PARD3B: variants seen among roughly 807,000 people sequenced by gnomAD.
PARD3B encodes the protein par-3 family cell polarity regulator beta.
Under a neutral mutation model 130.2 loss-of-function variants are expected in PARD3B, and 103 were observed. That is an observed-to-expected ratio of 0.79 (90% CI 0.67 to 0.93). The LOEUF is 0.93. PARD3B is among the 40% of genes least tolerant of loss of function. The probability of loss-of-function intolerance (pLI) is 0.00; values close to 1 mark genes in which losing one functional copy is unlikely to be tolerated. For missense variants in PARD3B, 1,609 were observed against 1,499.2 expected (o/e 1.07, Z -1.21); for synonymous variants, 583 against 553.2 (o/e 1.05, Z -0.76).
chr2:205,044,790 G>A (rs1438977408), intron 3 of PARD3B, among the ~76,000 whole-genome samples: 1 of 152,112 alleles, frequency 6.6e-6, no homozygotes, highest in African/African-American at 2.4e-5. Flanking sequence ...TTGCTGTGCA[G>A]AAGCTCTTTA....
At chr2:204,990,519 C>T (rs1575494489) in intron 3 of PARD3B, among the ~76,000 whole-genome samples, 2 of 152,046 alleles carry the variant, frequency 1.3e-5, no homozygotes, top group African/African-American at 4.8e-5. Flanking sequence ...ATTAACAAAC[C>T]TTTCTTTCTC....
Position 205,146,851 on chromosome 2 carries a change from CT to C in PARD3B, c.1435-11870del, listed in dbSNP as rs982087645. ...GGAGCGATTCTCCTGCCTCAGCTTC[CT>C]GAGTAGCTGGGATTATAGGACCCGG... On this transcript the variant is annotated intron_variant, in intron 10 of 22. Coordinates refer to ENST00000406610, the MANE Select transcript of PARD3B (RefSeq NM_001302769.2). The surrounding 1 kb of genome is among the most constrained non-coding windows in gnomAD (Gnocchi z 4.3). 8.6e-5 allele frequency among the ~76,000 whole-genome samples: 13 copies of C among 151,856 alleles called. No homozygotes were observed. The highest frequency in any genetic ancestry group is 3.1e-4 in the African/African-American group (13 of 41,366).
intron 2 of PARD3B, among the ~76,000 whole-genome samples, chr2:204,910,319 A>G (rs2047186288): frequency 6.6e-6 from 1 of 152,208 alleles, no homozygotes; most frequent in Admixed American, 6.5e-5. Flanking sequence ...TAGACCTTAT[A>G]TATTTGTTTT....
At chr2:204,832,338 T>C (rs2043858423) in intron 2 of PARD3B, among the ~76,000 whole-genome samples, 1 of 152,212 alleles carries the variant, frequency 6.6e-6, no homozygotes. Flanking sequence ...TGCTTTTCTG[T>C]TTAAAATCAG....
intron 1 of PARD3B, among the ~76,000 whole-genome samples, chr2:204,649,238 T>C (rs2035396488): frequency 6.6e-6 from 1 of 151,130 alleles, no homozygotes; most frequent in Non-Finnish European, 1.5e-5. Flanking sequence ...TTATTTAAAG[T>C]GTGTGCTTGT....
Position 204,748,342 on chromosome 2 carries a change from C to A in PARD3B, c.222+62060C>A, listed in dbSNP as rs531371984. Among the ~76,000 whole-genome samples, 4 of 152,176 alleles carry A rather than the reference C, an allele frequency of 2.6e-5. No individual in the cohort carries two copies. In the East Asian group the frequency reaches 7.8e-4, roughly 30 times the overall value. ...ACTGTAATTTCTTCAACTAAGAGTTCAACTCCTTCCTGAGCCTGGATTAGG... is the reference window on the plus strand; with the variant it reads ...ACTGTAATTTCTTCAACTAAGAGTTAAACTCCTTCCTGAGCCTGGATTAGG... On this transcript the variant is annotated intron_variant, in intron 2 of 22. Coordinates refer to ENST00000406610, the MANE Select transcript of PARD3B (RefSeq NM_001302769.2).
chr2:205,618,321 G>T lies in PARD3B; in HGVS notation c.*2508G>T, dbSNP rs1672457522. 1 of 152,224 alleles carries T rather than the reference G, an allele frequency of 6.6e-6. No individual in the cohort carries two copies. The highest frequency in any genetic ancestry group is 6.5e-5 in the Admixed American group (1 of 15,280). 9.4% of individuals were successfully genotyped at this position (152,224 alleles called of 1,614,324 possible). On this transcript the variant is annotated 3_prime_UTR_variant, in exon 23 of 23. Transcript: ENST00000406610. Reference sequence around the variant, plus strand: ...AGCCAAGCAACAATTAACAGCTCAAGTGTAAGATTTATAAATGCCCGTGTA... The same window carrying T: ...AGCCAAGCAACAATTAACAGCTCAATTGTAAGATTTATAAATGCCCGTGTA...
intron 18 of PARD3B, among the ~76,000 whole-genome samples, chr2:205,354,836 C>A (rs998399895): frequency 1.3e-5 from 2 of 151,980 alleles, no homozygotes; most frequent in Non-Finnish European, 2.9e-5. Context: ...GGAGGTAAAC[C>A]TTATGCAGGT....
intron 3 of PARD3B, among the ~76,000 whole-genome samples, chr2:204,983,834 C>A (rs1692893736): frequency 6.6e-6 from 1 of 152,158 alleles, no homozygotes; most frequent in Non-Finnish European, 1.5e-5. Flanking sequence ...TCACAGCTTA[C>A]TATTATTTGT....
intron 2 of PARD3B, among the ~76,000 whole-genome samples, chr2:204,761,254 T>A (rs562330309): frequency 6.6e-6 from 1 of 152,208 alleles, no homozygotes. Flanking sequence ...TTTCATCATC[T>A]TCTCAAACCT....
At chr2:205,256,182 G>T (rs68152710) in intron 16 of PARD3B, among the ~76,000 whole-genome samples, 67 of 39,354 alleles carry the variant, frequency 1.7e-3, no homozygotes, top group Middle Eastern at 0.013. Context: ...CTCTCAGGAT[G>T]TTTTTTTTAA....
At position 205,300,003 on chromosome 2, in the gene PARD3B, C is replaced by A. The variant is rs1157841925; in HGVS notation, c.2186-527C>A. Reference sequence around the variant, plus strand: ...ACTTCAATGTTCTTTTATTTCCATGCCCAGTATGTTCCTTACTAATCATAT... The same window carrying A: ...ACTTCAATGTTCTTTTATTTCCATGACCAGTATGTTCCTTACTAATCATAT... On this transcript the variant is annotated intron_variant, in intron 16 of 22. Transcript: ENST00000406610. This position sits in a 1 kb window ranked among gnomAD's most constrained non-coding sequence, Gnocchi z 4.1. 1.3e-5 allele frequency among the ~76,000 whole-genome samples: 2 copies of A among 152,128 alleles called. No individual in the cohort carries two copies. The highest frequency in any genetic ancestry group is 2.9e-5 in the Non-Finnish European group (2 of 68,034).
chr2:205,031,534 G>A (rs1379788604), intron 3 of PARD3B, among the ~76,000 whole-genome samples: 3 of 152,266 alleles, frequency 2.0e-5, no homozygotes, highest in Non-Finnish European at 4.4e-5. Flanking sequence ...CCTCTTATCA[G>A]CACCTTCAAT....
intron 3 of PARD3B, among the ~76,000 whole-genome samples, chr2:204,997,047 C>G (rs940325008): frequency 4.6e-5 from 7 of 152,160 alleles, no homozygotes; most frequent in African/African-American, 1.7e-4. Context: ...TCTTCTGCGT[C>G]GCTCACGCTG....
intron 2 of PARD3B, among the ~76,000 whole-genome samples, chr2:204,697,062 A>G (rs2037644663): frequency 6.6e-6 from 1 of 152,126 alleles, no homozygotes; most frequent in African/African-American, 2.4e-5. Flanking sequence ...TAATAGCCTA[A>G]CAATCTTAAA....
rs566643946 is a variant in PARD3B at position 205,451,975 on chromosome 2, G to A, written c.3044+11303G>A. ...ATCCCCACCTCCCTTCCACCGCTCT[G>A]TCTAAATAACTCCTAGAGGCAACTG... On this transcript the variant is annotated intron_variant, in intron 20 of 22. Coordinates refer to ENST00000406610, the MANE Select transcript of PARD3B (RefSeq NM_001302769.2). Among the ~76,000 whole-genome samples the A allele has an allele frequency of 1.8e-3, 269 of 152,162 alleles. 1 individual carries two copies. Among genetic ancestry groups the A allele is most frequent in the African/African-American group, 6.2e-3 (258 of 41,520 alleles).
At chr2:205,557,977 A>G (rs954778243) in intron 22 of PARD3B, among the ~76,000 whole-genome samples, 7 of 152,176 alleles carry the variant, frequency 4.6e-5, no homozygotes, top group African/African-American at 9.7e-5. Context: ...AAGAGGAAGC[A>G]GCACCTGCAT....
chr2:205,602,710 G>A (rs919272581), intron 22 of PARD3B, among the ~76,000 whole-genome samples: 1 of 152,082 alleles, frequency 6.6e-6, no homozygotes, highest in Non-Finnish European at 1.5e-5. Flanking sequence ...GGTCAGTGGT[G>A]TTATCCCCTT....
At chr2:205,515,398 T>C (rs1288076151) in intron 21 of PARD3B, among the ~76,000 whole-genome samples, 1 of 152,196 alleles carries the variant, frequency 6.6e-6, no homozygotes, top group Non-Finnish European at 1.5e-5. Context: ...GTTCTGCTTT[T>C]AGCTTCTTGA....
Sources: gnomAD v4.1 joint callset for allele counts (sites outside exome capture counted in the v4.1 genomes callset) on GRCh38, gnomAD v4.1.1 for gene constraint, Gnocchi (gnomAD v3.1) non-coding constraint, MANE v1.5 for transcripts, NCBI Gene and HGNC (gene_info 2026-07-23, HGNC 2026-07-21) for gene names.